FNTA: variants seen among roughly 807,000 people sequenced by gnomAD.
The protein encoded by FNTA is farnesyltransferase, CAAX box, subunit alpha.
FNTA carries 27 observed loss-of-function variants against 55.2 expected under a neutral mutation model. The observed-to-expected ratio is 0.49, with a 90% CI of 0.36 to 0.67. The LOEUF (loss-of-function observed/expected upper bound fraction) is 0.67, where lower values mean the gene tolerates loss of function less well. FNTA is among the 30% of genes least tolerant of loss of function. The pLI is 0.00. For missense variants in FNTA, 422 were observed against 464.7 expected (o/e 0.91, Z 0.85); for synonymous variants, 176 against 170.7 (o/e 1.03, Z -0.24).
At position 43,059,080 on chromosome 8, in the gene FNTA, G is replaced by A. The variant is rs773987507; in HGVS notation, c.201-12G>A. The A allele has an allele frequency of 4.4e-6, 7 of 1,604,836 alleles. No homozygotes were observed. The highest frequency in any genetic ancestry group is 6.0e-6 in the Non-Finnish European group (7 of 1,173,524). The stretch of plus-strand genomic sequence containing the variant: ...TGAATGTAACCACTGGTTGGGGAAT[G>A]TCTGTTTTCAGGGACAGAGCAGAAT... On this transcript the variant is annotated splice_polypyrimidine_tract_variant and intron_variant, in intron 1 of 8. Coordinates refer to ENST00000302279, the MANE Select transcript of FNTA (RefSeq NM_002027.3).
At chr8:43,067,812 G>A (rs1810695785) in intron 3 of FNTA, among the ~76,000 whole-genome samples, 1 of 151,890 alleles carries the variant, frequency 6.6e-6, no homozygotes, top group African/African-American at 2.4e-5. Context: ...CTCCGTCACC[G>A]GGGTTCAAGT....
In FNTA at chr8:43,085,771, AG is replaced by A. The variant is rs2130578853; in HGVS notation, c.*490del. The A allele has an allele frequency of 6.5e-6, 1 of 154,994 alleles. No homozygotes were observed. Among genetic ancestry groups the A allele is most frequent in the South Asian group, 2.0e-4 (1 of 4,968 alleles). The allele number at this position is 154,994 out of a possible 1,614,324, so 9.6% of individuals were successfully genotyped here. ...AAGAACGGTTTTGTAATAAAATTATAGCTGTATCTAAAAACAATGCCATAGA... is the reference window on the plus strand; with the variant it reads ...AAGAACGGTTTTGTAATAAAATTATACTGTATCTAAAAACAATGCCATAGA... On this transcript the variant is annotated 3_prime_UTR_variant, in exon 9 of 9. Transcript: ENST00000302279.
intron 2 of FNTA, chr8:43,063,235 C>A (rs552434874): frequency 2.2e-6 from 1 of 455,444 alleles, no homozygotes. Flanking sequence ...CCTGGATCAC[C>A]ACGCCCGATT....
chr8:43,068,656 GTCA>G (rs1810715510), intron 3 of FNTA, among the ~76,000 whole-genome samples: 7 of 152,204 alleles, frequency 4.6e-5, no homozygotes, highest in African/African-American at 2.4e-5. Flanking sequence ...TTGGTTGGCT[GTCA>G]TTACTTAAGA....
intron 1 of FNTA, among the ~76,000 whole-genome samples, chr8:43,057,919 A>G (rs1416865843): frequency 1.3e-5 from 2 of 150,220 alleles, no homozygotes; most frequent in African/African-American, 2.5e-5. Context: ...GATTGCGCCC[A>G]TTGCACCACA....
At chr8:43,071,694 C>CA (rs71231890) in intron 4 of FNTA, among the ~76,000 whole-genome samples, 1,141 of 72,622 alleles carry the variant, frequency 0.016, 6 homozygotes, top group Non-Finnish European at 0.017. Flanking sequence ...GACTTCGTCT[C>CA]AAAAAAAAAA....
chr8:43,056,961 G>C (rs114222170), intron 1 of FNTA: 1 of 152,262 alleles, frequency 6.6e-6, no homozygotes, highest in African/African-American at 2.4e-5. Flanking sequence ...AGGAAACCAG[G>C]GCCAGATTTG....
chr8:43,083,295 C>T, intron 7 of FNTA, 115 bp downstream of exon 7: 1 of 645,614 alleles, frequency 1.5e-6, no homozygotes, highest in Non-Finnish European at 2.6e-6. Context: ...TTTCATTTTT[C>T]TGAACCTAAG....
In FNTA at chr8:43,083,515, G is replaced by GTAAAC. The variant is rs573074431; in HGVS notation, c.845+336_845+337insAAACT. On this transcript the variant is annotated intron_variant, in intron 7 of 8. Transcript: ENST00000302279. Reference sequence around the variant, plus strand: ...CTCAGGAACACAGTAAAGCGGGGTAGTTTACAGGTAGATTTTGCCAGTGGG... The same window carrying GTAAAC: ...CTCAGGAACACAGTAAAGCGGGGTAGTAAACTTTACAGGTAGATTTTGCCAGTGGG... 6.2e-3 allele frequency among the ~76,000 whole-genome samples: 948 copies of GTAAAC among 152,300 alleles called. 29 individuals carry two copies. Among genetic ancestry groups the GTAAAC allele is most frequent in the East Asian group, 0.013 (67 of 5,182 alleles).
intron 1 of FNTA, among the ~76,000 whole-genome samples, chr8:43,057,956 CAA>C (rs71550440): frequency 4.2e-4 from 29 of 69,316 alleles, no homozygotes; most frequent in African/African-American, 8.0e-4. Context: ...GACTCCATCT[CAA>C]AAAAAAAAAA....
At chr8:43,082,127 C>G (rs1811038271) in intron 6 of FNTA, 1 of 152,062 alleles carries the variant, frequency 6.6e-6, no homozygotes, top group Non-Finnish European at 1.5e-5. Context: ...ACCAAGACTA[C>G]CAAGCTTTAG....
intron 1 of FNTA, chr8:43,057,257 C>A (rs1019072136): frequency 4.6e-5 from 7 of 152,172 alleles, no homozygotes; most frequent in African/African-American, 1.4e-4. Flanking sequence ...TTCCTAATTC[C>A]CTGTGAACCT....
At chr8:43,057,548 C>T (rs922398518) in intron 1 of FNTA, among the ~76,000 whole-genome samples, 4 of 152,132 alleles carry the variant, frequency 2.6e-5, no homozygotes, top group African/African-American at 9.7e-5. Context: ...GGTGTCACGT[C>T]TTAGGTCATG....
chr8:43,083,455 A>C (rs1811063715), intron 7 of FNTA, among the ~76,000 whole-genome samples: 1 of 152,224 alleles, frequency 6.6e-6, no homozygotes, highest in Non-Finnish European at 1.5e-5. Context: ...TTTATATCAA[A>C]GAATGGAACA....
intron 3 of FNTA, among the ~76,000 whole-genome samples, chr8:43,065,545 C>CCTGAATATTCTTTTT (rs1563326682): frequency 3.3e-5 from 5 of 151,854 alleles, no homozygotes; most frequent in African/African-American, 1.2e-4. Context: ...CTGTGCACGG[C>CCTGAATATTCTTTTT]TGCTGACCCA....
chr8:43,076,339 C>G (rs1288949611), intron 5 of FNTA, among the ~76,000 whole-genome samples: 1 of 151,876 alleles, frequency 6.6e-6, no homozygotes, highest in Non-Finnish European at 1.5e-5. Context: ...CCACCGTGCC[C>G]GGACTGTCTT....
At chr8:43,084,928 G>A in intron 8 of FNTA, 47 bp downstream of exon 8, 2 of 1,541,374 alleles carry the variant, frequency 1.3e-6, no homozygotes, top group Non-Finnish European at 1.8e-6. Context: ...TCTCAGAATT[G>A]ATCTGCCCAA....
intron 7 of FNTA, 67 bp downstream of exon 7, chr8:43,083,247 T>C: frequency 1.2e-6 from 1 of 862,684 alleles, no homozygotes; most frequent in Non-Finnish European, 1.8e-6. Flanking sequence ...TCATGGAGTG[T>C]ATTCCATAAT....
At chr8:43,058,121 G>A (rs140144570) in intron 1 of FNTA, among the ~76,000 whole-genome samples, 180 of 152,286 alleles carry the variant, frequency 1.2e-3, no homozygotes, top group African/African-American at 4.1e-3. Flanking sequence ...AATGCCGCCT[G>A]TGTGCTGTGG....
Sources: allele counts gnomAD v4.1 joint callset (sites outside exome capture counted in the v4.1 genomes callset), GRCh38; gene constraint gnomAD v4.1.1; transcripts MANE v1.5; gene names NCBI Gene and HGNC (gene_info 2026-07-23, HGNC 2026-07-21).